TEAD3: variants seen among roughly 807,000 people sequenced by gnomAD.
TEAD3 encodes the protein transcriptional enhancer factor TEF-5.
In TEAD3, 15 loss-of-function variants were observed where a neutral mutation model predicts 55.6. The ratio of observed to expected loss-of-function variants is 0.27; its 90% CI spans 0.18 to 0.42. TEAD3 has a LOEUF of 0.42. Ranked by LOEUF, TEAD3 falls within the 10% of genes least tolerant of loss-of-function variation. The pLI, the probability that TEAD3 is intolerant of heterozygous loss-of-function variation, is 1.00. For missense variants in TEAD3, 407 were observed against 576.8 expected (o/e 0.71, Z 3.01); for synonymous variants, 210 against 232.2 (o/e 0.90, Z 0.87).
chr6:35,480,173 G>T, intron 3 of TEAD3, 139 bp downstream of exon 4: 1 of 1,550,214 alleles, frequency 6.5e-7, no homozygotes, highest in Non-Finnish European at 8.7e-7. Flanking sequence ...GGAAGGAGAG[G>T]CAGAAACAGA....
At chr6:35,480,832 C>G (rs939945727) in intron 3 of TEAD3, among the ~76,000 whole-genome samples, 56 of 152,246 alleles carry the variant, frequency 3.7e-4, no homozygotes, top group African/African-American at 1.0e-3. Context: ...CTGTCCTCCC[C>G]GCAAAAAGGG....
chr6:35,487,266 T>C (rs1768405086), intron 1 of TEAD3, among the ~76,000 whole-genome samples: 1 of 150,844 alleles, frequency 6.6e-6, no homozygotes, highest in Admixed American at 6.6e-5. Flanking sequence ...CCTAAAAATA[T>C]ATCAGGTCTG....
intron 4 of TEAD3, among the ~76,000 whole-genome samples, 181 bp from the exon 5 acceptor site, chr6:35,479,497 C>T (rs1057492597): frequency 6.6e-6 from 1 of 152,252 alleles, no homozygotes; most frequent in Non-Finnish European, 1.5e-5. Context: ...CTGGGGCAAG[C>T]CCTGGAAAGG....
At chr6:35,473,738 A>C (rs1343991316), downstream of TEAD3, 1 of 151,412 alleles carries the variant, frequency 6.6e-6, no homozygotes, top group African/African-American at 2.4e-5. Flanking sequence ...TTAAAAATAC[A>C]CAAAAAAATA....
Position 35,491,762 on chromosome 6 carries a change from G to A in TEAD3, c.-49-5051C>T, listed in dbSNP as rs1768524849. On this transcript the variant is annotated intron_variant, in intron 1 of 12. Transcript: ENST00000639578. The surrounding 1 kb of genome is among the most constrained non-coding windows in gnomAD (Gnocchi z 4.4). ...AGGCCTCTGGGTGGAGGCAGGGATG[G>A]GGGCTAGGAGGCTGGGTGAGCAGGC... Among the ~76,000 whole-genome samples the A allele has an allele frequency of 6.6e-6, 1 of 152,248 alleles. No homozygotes were observed. Among genetic ancestry groups the A allele is most frequent in the African/African-American group, 2.4e-5 (1 of 41,456 alleles).
At chr6:35,493,182 A>T (rs995735094) in intron 1 of TEAD3, among the ~76,000 whole-genome samples, 1 of 152,194 alleles carries the variant, frequency 6.6e-6, no homozygotes, top group African/African-American at 2.4e-5. Flanking sequence ...CTGGGTTTTT[A>T]AAAATGTCTT....
chr6:35,474,735 G>A (rs1436772583), downstream of TEAD3: 2 of 318,272 alleles, frequency 6.3e-6, no homozygotes, highest in Non-Finnish European at 1.2e-5. Context: ...ACATGCTGGA[G>A]GCTGAAGGTG....
intron 1 of TEAD3, among the ~76,000 whole-genome samples, chr6:35,495,975 C>T (rs953633719): frequency 2.6e-5 from 4 of 152,210 alleles, no homozygotes; most frequent in Admixed American, 6.5e-5. Context: ...AATCTCTCAG[C>T]CCTGGATCAG....
At chr6:35,478,680 G>T in intron 5 of TEAD3, 109 bp from the exon 6 acceptor site, 1 of 1,380,316 alleles carries the variant, frequency 7.2e-7, no homozygotes. Flanking sequence ...GATGGCAGGT[G>T]TTCCTGAAGA....
In TEAD3 at chr6:35,486,213, C is replaced by G. The variant is rs1191597076; in HGVS notation, c.202+248G>C. Among the ~76,000 whole-genome samples, 3 of 152,240 alleles carry G rather than the reference C, an allele frequency of 2.0e-5. No homozygotes were observed. Among genetic ancestry groups the G allele is most frequent in the Non-Finnish European group, 4.4e-5 (3 of 68,040 alleles). Reference sequence around the variant, plus strand: ...GGCCCACTGAGTCACCTCGAAACCTCCAGGCCGGTAGCGGGGAGGAGAGGA... The same window carrying G: ...GGCCCACTGAGTCACCTCGAAACCTGCAGGCCGGTAGCGGGGAGGAGAGGA... On this transcript the variant is annotated intron_variant, in intron 2 of 12. Coordinates refer to ENST00000639578, the Ensembl canonical transcript of TEAD3. The surrounding 1 kb of genome is among the most constrained non-coding windows in gnomAD (Gnocchi z 7.3).
Position 35,479,948 on chromosome 6 carries a change from C to A in TEAD3, c.330+112G>T, listed in dbSNP as rs1364123686. 3 of 944,814 alleles carry A rather than the reference C, an allele frequency of 3.2e-6. No individual in the cohort carries two copies. In the East Asian group the frequency reaches 1.4e-4, roughly 43 times the overall value. The allele number at this position is 944,814 out of a possible 1,614,324, so 58.5% of individuals were successfully genotyped here. On this transcript the variant is annotated intron_variant, in intron 4 of 12. Transcript: ENST00000639578. ...GCCACTTGTGTTTCTTTCTGGACCC[C>A]CTCACAGCTTCTCAGCCCCTTGCCT...
exon 10 of TEAD3, chr6:35,476,057 C>T (rs576510878): frequency 2.5e-5 from 39 of 1,540,976 alleles, no homozygotes; most frequent in African/African-American, 1.4e-4. Context: ...AGGCGGGGTT[C>T]GTCTGGCCGA....
At position 35,493,581 on chromosome 6, in the gene TEAD3, C is replaced by G. The variant is rs1467024970; in HGVS notation, c.-50+3317G>C. 3.9e-5 allele frequency among the ~76,000 whole-genome samples: 6 copies of G among 152,224 alleles called. No individual in the cohort carries two copies. The South Asian group carries it at 1.2e-3, about 31-fold the overall frequency. ...CACATGTCGGATGGGGCCCACCTTGCTGGTACACACATCATACTGACACAG... is the reference window on the plus strand; with the variant it reads ...CACATGTCGGATGGGGCCCACCTTGGTGGTACACACATCATACTGACACAG... On this transcript the variant is annotated intron_variant, in intron 1 of 12. Transcript: ENST00000639578.
At chr6:35,477,797 T>C (rs1055519998) in intron 7 of TEAD3, among the ~76,000 whole-genome samples, 1 of 151,654 alleles carries the variant, frequency 6.6e-6, no homozygotes, top group African/African-American at 2.4e-5. Flanking sequence ...GAATGCATAG[T>C]GAACAGCCAG....
At chr6:35,474,843 C>T (rs1270723961), downstream of TEAD3, 3 of 563,464 alleles carry the variant, frequency 5.3e-6, no homozygotes, top group Non-Finnish European at 9.4e-6. Context: ...CTGAGCCCTC[C>T]TCTCCTCTCT....
chr6:35,478,172 G>T (rs1245257420), intron 7 of TEAD3, 103 bp downstream of exon 7: 9 of 1,423,424 alleles, frequency 6.3e-6, no homozygotes, highest in Middle Eastern at 2.4e-4. Flanking sequence ...CTCTATTTTT[G>T]AATTAAAACT....
chr6:35,492,709 G>A (rs1217774978), intron 1 of TEAD3, among the ~76,000 whole-genome samples: 1 of 151,552 alleles, frequency 6.6e-6, no homozygotes, highest in Non-Finnish European at 1.5e-5. Context: ...AGGGAGCAGA[G>A]GGGGTTGGGA....
At chr6:35,476,213 A>G (rs1768144488) in intron 9 of TEAD3, 89 bp downstream of exon 9, 4 of 1,558,250 alleles carry the variant, frequency 2.6e-6, no homozygotes, top group Non-Finnish European at 2.6e-6. Flanking sequence ...CAGACCCCCA[A>G]CCCCCAGATC....
chr6:35,479,640 G>A (rs899780596), intron 4 of TEAD3, among the ~76,000 whole-genome samples: 2 of 152,088 alleles, frequency 1.3e-5, no homozygotes, highest in Non-Finnish European at 2.9e-5. Context: ...AGAGCACACG[G>A]CCAGCGTGAG....
Sources: gnomAD v4.1 joint callset for allele counts (sites outside exome capture counted in the v4.1 genomes callset) on GRCh38, gnomAD v4.1.1 for gene constraint, Gnocchi (gnomAD v3.1) non-coding constraint, MANE v1.5 for transcripts, NCBI Gene and HGNC (gene_info 2026-07-23, HGNC 2026-07-21) for gene names.